The following BAALC variants were observed in gnomAD, a reference collection of about 807,000 sequenced individuals.
BAALC encodes the protein brain and acute leukemia cytoplasmic protein.
In BAALC, 9 loss-of-function variants were observed where a neutral mutation model predicts 15.5. The observed-to-expected ratio is 0.58, with a 90% confidence interval of 0.35 to 1.02. The LOEUF is 1.02. BAALC is among the 50% of genes least tolerant of loss of function. The pLI is 0.02. For synonymous variants in BAALC, 80 were observed against 74.6 expected (o/e 1.07, Z -0.37); for missense variants, 201 against 192.4 (o/e 1.04, Z -0.27).
At chr8:103,185,830 T>C (rs2129986761) in intron 1 of BAALC, among the ~76,000 whole-genome samples, 1 of 152,356 alleles carries the variant, frequency 6.6e-6, no homozygotes, top group Non-Finnish European at 1.5e-5. Flanking sequence ...ACAAAGGACT[T>C]TGAACTTGAA....
rs775966557 is a variant in BAALC, at chr8:103,213,011, AC to A, written c.256del (p.Gln86SerfsTer13). ...PNPEKKTNCETQCPNPQSLSS... is the reference protein window; with the variant it reads ...PNPEKKTNCEXQCPNPQSLSS... ...CCCAGAGAAGAAGACGAACTGTGAG[AC>A]CCAGTGCCCAAATCCCCAGAGCCTC... On this transcript the variant is annotated frameshift_variant, in exon 2 of 3. Coordinates refer to ENST00000309982, the MANE Select transcript of BAALC (RefSeq NM_024812.3). LOFTEE classifies it high-confidence loss of function. 5.0e-6 allele frequency: 8 copies of A among 1,614,028 alleles called. No homozygotes were observed. In the Admixed American group the frequency reaches 1.0e-4, roughly 20 times the overall value.
At chr8:103,151,532 C>A (rs1345283905) in intron 1 of BAALC, among the ~76,000 whole-genome samples, 1 of 152,178 alleles carries the variant, frequency 6.6e-6, no homozygotes, top group African/African-American at 2.4e-5. Flanking sequence ...TCATGCCAAT[C>A]TCAAACCTTG....
At chr8:103,188,115 C>A (rs1328763637) in intron 1 of BAALC, among the ~76,000 whole-genome samples, 1 of 152,118 alleles carries the variant, frequency 6.6e-6, no homozygotes, top group Non-Finnish European at 1.5e-5. Context: ...GGGTTCAAGT[C>A]ACCTGATGTC....
intron 1 of BAALC, among the ~76,000 whole-genome samples, chr8:103,178,702 C>T (rs796228511): frequency 2.0e-5 from 3 of 151,938 alleles, no homozygotes; most frequent in African/African-American, 7.2e-5. Flanking sequence ...ACTAAAAATA[C>T]AAAAATTAGC....
intron 1 of BAALC, among the ~76,000 whole-genome samples, chr8:103,181,825 G>A (rs1811736918): frequency 6.6e-6 from 1 of 152,326 alleles, no homozygotes; most frequent in South Asian, 2.1e-4. Context: ...GGTAGCAGGT[G>A]AAAAGTTGGC....
intron 1 of BAALC, among the ~76,000 whole-genome samples, chr8:103,167,905 T>C (rs1353075190): frequency 6.6e-6 from 1 of 152,214 alleles, no homozygotes; most frequent in Non-Finnish European, 1.5e-5. Flanking sequence ...ATATAGCTTC[T>C]GTTTTTAGCA....
In BAALC at chr8:103,224,963, T is replaced by C. The variant is rs1812771860; in HGVS notation, c.328-3026T>C. Among the ~76,000 whole-genome samples the C allele has an allele frequency of 3.3e-5, 5 of 152,248 alleles. No individual in the cohort carries two copies. The South Asian group carries it at 1.0e-3, about 32-fold the overall frequency. On this transcript the variant is annotated intron_variant, in intron 2 of 2. Coordinates refer to ENST00000309982, the MANE Select transcript of BAALC (RefSeq NM_024812.3). ...AAGATTAAAAAAAATCAGAGCTTAG[T>C]CCTCACTACTCTTAGAAAGAATGCT...
At chr8:103,214,637 C>T (rs1812519651) in intron 2 of BAALC, among the ~76,000 whole-genome samples, 1 of 152,172 alleles carries the variant, frequency 6.6e-6, no homozygotes. Flanking sequence ...AACTAAAGGC[C>T]TTTCAGAAAT....
chr8:103,220,001 A>G (rs1394046389), intron 2 of BAALC, among the ~76,000 whole-genome samples: 1 of 152,148 alleles, frequency 6.6e-6, no homozygotes, highest in Admixed American at 6.5e-5. Flanking sequence ...ATCATTTCCT[A>G]CCTGGGAAAA....
At chr8:103,143,885 G>A (rs1469803142) in intron 1 of BAALC, among the ~76,000 whole-genome samples, 1 of 152,172 alleles carries the variant, frequency 6.6e-6, no homozygotes, top group African/African-American at 2.4e-5. Context: ...ACTTGCTACT[G>A]AGGTTTTCCC....
intron 2 of BAALC, among the ~76,000 whole-genome samples, chr8:103,214,670 C>A (rs905735541): frequency 6.6e-6 from 1 of 152,198 alleles, no homozygotes; most frequent in Non-Finnish European, 1.5e-5. Flanking sequence ...CAGAATCTCA[C>A]GTTCATTATC....
At chr8:103,188,415 G>A (rs148828786) in intron 1 of BAALC, among the ~76,000 whole-genome samples, 71 of 152,294 alleles carry the variant, frequency 4.7e-4, no homozygotes, top group Middle Eastern at 3.4e-3. Flanking sequence ...TGGGGATGGG[G>A]TTACTGGGAA....
intron 1 of BAALC, 103 bp downstream of exon 1, chr8:103,141,160 G>T: frequency 7.7e-7 from 1 of 1,293,684 alleles, no homozygotes; most frequent in Non-Finnish European, 1.0e-6. Context: ...TGATGGCGCG[G>T]CGGGGGTGGC....
intron 1 of BAALC, among the ~76,000 whole-genome samples, chr8:103,200,483 AAAAC>A (rs1276809156): frequency 6.6e-6 from 1 of 152,182 alleles, no homozygotes; most frequent in African/African-American, 2.4e-5. Context: ...CAAGGAGTAA[AAAAC>A]AAACAAAAAC....
At chr8:103,218,451 A>G (rs908497764) in intron 2 of BAALC, among the ~76,000 whole-genome samples, 1 of 152,084 alleles carries the variant, frequency 6.6e-6, no homozygotes, top group Non-Finnish European at 1.5e-5. Context: ...GCAGCGCTGT[A>G]GTTGCTTGTC....
chr8:103,156,622 T>C (rs1029126932), intron 1 of BAALC, among the ~76,000 whole-genome samples: 4 of 152,226 alleles, frequency 2.6e-5, no homozygotes, highest in African/African-American at 7.2e-5. Flanking sequence ...GACGGTGGAA[T>C]GTTCTTCTAA....
chr8:103,179,165 C>T (rs1189774010), intron 1 of BAALC, among the ~76,000 whole-genome samples: 1 of 152,172 alleles, frequency 6.6e-6, no homozygotes, highest in African/African-American at 2.4e-5. Flanking sequence ...CCAAGTTGCA[C>T]GCTCTAGGCC....
At chr8:103,164,877 C>T (rs1163127046) in intron 1 of BAALC, among the ~76,000 whole-genome samples, 4 of 152,192 alleles carry the variant, frequency 2.6e-5, no homozygotes, top group African/African-American at 9.7e-5. Context: ...GTCTGCCCTT[C>T]CCCAGATGAG....
intron 1 of BAALC, among the ~76,000 whole-genome samples, chr8:103,198,453 T>G (rs1812143286): frequency 6.6e-6 from 1 of 152,202 alleles, no homozygotes; most frequent in Non-Finnish European, 1.5e-5. Flanking sequence ...TAATGCCCTT[T>G]TGATCATCCC....
Sources: gnomAD v4.1 joint callset for allele counts (sites outside exome capture counted in the v4.1 genomes callset) on GRCh38, gnomAD v4.1.1 for gene constraint, MANE v1.5 for transcripts, NCBI Gene and HGNC (gene_info 2026-07-23, HGNC 2026-07-21) for gene names.